ZNG1A: variants seen among roughly 807,000 people sequenced by gnomAD.
The protein encoded by ZNG1A is Zn regulated GTPase metalloprotein activator 1A.
At chr9:159,570 T>C in the ZNG1A span, among the ~76,000 whole-genome samples, 1 of 151,926 alleles carries the variant, frequency 6.6e-6, no homozygotes, top group Non-Finnish European at 1.5e-5. Context: ...TCAATAAAGC[T>C]GGGGGGGTTA....
the ZNG1A span, among the ~76,000 whole-genome samples, chr9:144,878 T>C: frequency 6.6e-6 from 1 of 150,816 alleles, no homozygotes; most frequent in Admixed American, 6.6e-5. Context: ...CATCAAAAAG[T>C]GGGCGAAGGA....
chr9:165,012 A>G, the ZNG1A span, among the ~76,000 whole-genome samples: 1 of 152,202 alleles, frequency 6.6e-6, no homozygotes, highest in African/African-American at 2.4e-5. Flanking sequence ...TAGTTTTCCA[A>G]TTTGACTCAA....
At chr9:168,540 C>T in the ZNG1A span, among the ~76,000 whole-genome samples, 1 of 150,702 alleles carries the variant, frequency 6.6e-6, no homozygotes, top group African/African-American at 2.5e-5. Flanking sequence ...GCATGAGCCA[C>T]CGAGCCCGGC....
chr9:154,789 A>T, the ZNG1A span: 1 of 1,554,686 alleles, frequency 6.4e-7, no homozygotes, highest in Non-Finnish European at 8.7e-7. Flanking sequence ...CTGCCAAAGC[A>T]ACTTGTCTAA....
chr9:147,586 G>A, the ZNG1A span: 1 of 141,250 alleles, frequency 7.1e-6, no homozygotes, highest in East Asian at 1.9e-4. Flanking sequence ...CAAATTCTGG[G>A]CATTTTAGAT....
At chr9:129,659 A>C in the ZNG1A span, among the ~76,000 whole-genome samples, 1 of 145,246 alleles carries the variant, frequency 6.9e-6, no homozygotes, top group Non-Finnish European at 1.5e-5. Flanking sequence ...ACCAGGGGTG[A>C]GAGGGAGACG....
At chr9:157,796 A>G in the ZNG1A span, among the ~76,000 whole-genome samples, 52 of 146,896 alleles carry the variant, frequency 3.5e-4, no homozygotes, top group African/African-American at 1.2e-3. Context: ...AACCAGTTTC[A>G]CAATTCATGG....
chr9:156,638 C>T, the ZNG1A span: 1 of 1,241,780 alleles, frequency 8.1e-7, no homozygotes, highest in African/African-American at 1.5e-5. Flanking sequence ...AAAACTTCAA[C>T]ATGTTCTCTT....
the ZNG1A span, among the ~76,000 whole-genome samples, chr9:158,397 A>G: frequency 6.6e-6 from 1 of 151,752 alleles, no homozygotes; most frequent in East Asian, 1.9e-4. Context: ...TAGTACTGAA[A>G]ATTCTTTTTA....
chr9:158,969 A>C, the ZNG1A span, among the ~76,000 whole-genome samples: 1 of 152,158 alleles, frequency 6.6e-6, no homozygotes, highest in Non-Finnish European at 1.5e-5. Context: ...TATTCAAAAG[A>C]ACATTCTCCA....
chr9:175,322 G>T, the ZNG1A span, among the ~76,000 whole-genome samples: 1 of 151,598 alleles, frequency 6.6e-6, no homozygotes, highest in Non-Finnish European at 1.5e-5. Flanking sequence ...AGGTGGCAGT[G>T]AGCTGAGATT....
chr9:129,188 G>A, the ZNG1A span, among the ~76,000 whole-genome samples: 20 of 152,208 alleles, frequency 1.3e-4, 1 homozygote, highest in South Asian at 1.2e-3. Context: ...TCCAGAGAGT[G>A]TCAGTTGTGG....
the ZNG1A span, among the ~76,000 whole-genome samples, chr9:127,771 T>A: frequency 6.6e-6 from 1 of 152,310 alleles, no homozygotes; most frequent in South Asian, 2.1e-4. Flanking sequence ...GTTTTTCTAA[T>A]TGTATTTTTG....
chr9:146,403 C>A, the ZNG1A span: 1 of 356,128 alleles, frequency 2.8e-6, no homozygotes, highest in African/African-American at 2.3e-5. Flanking sequence ...TTTTCAAATA[C>A]ATTTTTATAG....
the ZNG1A span, chr9:146,090 T>A: frequency 5.9e-6 from 9 of 1,532,848 alleles, no homozygotes; most frequent in African/African-American, 1.0e-4. Flanking sequence ...AACCAAATTA[T>A]ACAAAACATA....
At chr9:162,382 A>G in the ZNG1A span, 2 of 1,391,430 alleles carry the variant, frequency 1.4e-6, no homozygotes, top group Non-Finnish European at 1.9e-6. Context: ...ATCAATCCCC[A>G]TATTCCCAGC....
chr9:178,060 C>T, the ZNG1A span, among the ~76,000 whole-genome samples: 2 of 150,274 alleles, frequency 1.3e-5, no homozygotes, highest in African/African-American at 2.5e-5. Context: ...CTAATACAGC[C>T]ATATATTTGT....
At chr9:150,130 T>TTG in the ZNG1A span, 1 of 124,154 alleles carries the variant, frequency 8.1e-6, no homozygotes, top group Non-Finnish European at 1.7e-5. Flanking sequence ...TGTTTTTTTT[T>TTG]TTTTTTTTTT....
the ZNG1A span, among the ~76,000 whole-genome samples, chr9:131,459 C>T: frequency 6.7e-6 from 1 of 149,790 alleles, no homozygotes; most frequent in Non-Finnish European, 1.5e-5. Context: ...CACTAAGCCC[C>T]CTAATGTGCT....
Sources: allele counts gnomAD v4.1 joint callset (sites outside exome capture counted in the v4.1 genomes callset), GRCh38; gene constraint gnomAD v4.1.1; transcripts MANE v1.5; gene names NCBI Gene and HGNC (gene_info 2026-07-23, HGNC 2026-07-21).